PLXDC2: variants seen among roughly 807,000 people sequenced by gnomAD.
PLXDC2 encodes the protein plexin domain-containing protein 2.
A neutral mutation model predicts 68.9 loss-of-function variants in PLXDC2; 40 were observed. That is an observed-to-expected ratio of 0.58 (90% CI 0.45 to 0.76). PLXDC2 has a LOEUF of 0.76. PLXDC2 is among the 30% of genes least tolerant of loss of function. The pLI is 0.00. For missense variants in PLXDC2, 644 were observed against 661.9 expected (o/e 0.97, Z 0.30); for synonymous variants, 243 against 234.2 (o/e 1.04, Z -0.34).
chr10:19,898,785 C>T (rs1263943906), intron 1 of PLXDC2, among the ~76,000 whole-genome samples: 3 of 151,986 alleles, frequency 2.0e-5, no homozygotes, highest in South Asian at 2.1e-4. Context: ...ATTTCTTATA[C>T]GCAACAGATA....
chr10:20,203,968 C>T (rs1296272749), intron 9 of PLXDC2, among the ~76,000 whole-genome samples: 1 of 152,086 alleles, frequency 6.6e-6, no homozygotes, highest in Non-Finnish European at 1.5e-5. Flanking sequence ...CTTGCATATT[C>T]TAATGATGTA....
At chr10:19,833,694 G>A (rs993216917) in intron 1 of PLXDC2, among the ~76,000 whole-genome samples, 1 of 152,110 alleles carries the variant, frequency 6.6e-6, no homozygotes, top group East Asian at 1.9e-4. Context: ...AACCACCTTA[G>A]GAGATTACAC....
chr10:20,270,034 A>AAATAC (rs1450951795), intron 13 of PLXDC2, among the ~76,000 whole-genome samples: 8 of 145,962 alleles, frequency 5.5e-5, no homozygotes, highest in African/African-American at 1.8e-4. Flanking sequence ...AAATAAAATA[A>AAATAC]AATAAAATAA....
At chr10:20,137,421 C>T (rs774262040) in intron 4 of PLXDC2, among the ~76,000 whole-genome samples, 24 of 152,138 alleles carry the variant, frequency 1.6e-4, no homozygotes, top group Non-Finnish European at 2.9e-4. Flanking sequence ...AATGAATTAT[C>T]GCATCGTGTG....
rs947652653 is a variant in PLXDC2, at chr10:19,929,071, A to G, written c.113-72704A>G. Among the ~76,000 whole-genome samples the G allele has an allele frequency of 1.1e-4, 17 of 151,832 alleles. 1 individual carries two copies. Among genetic ancestry groups the G allele is most frequent in the African/African-American group, 3.1e-4 (13 of 41,480 alleles). ...TGCCCAGACGATAGGGCTTTTTATC[A>G]TTCTAAAAAGAACCCATTCTTGGCT... On this transcript the variant is annotated intron_variant, in intron 1 of 13. Coordinates refer to ENST00000377252, the MANE Select transcript of PLXDC2 (RefSeq NM_032812.9).
At chr10:19,879,511 C>T (rs1837691642) in intron 1 of PLXDC2, among the ~76,000 whole-genome samples, 1 of 151,998 alleles carries the variant, frequency 6.6e-6, no homozygotes, top group East Asian at 1.9e-4. Context: ...AGACACTTTG[C>T]CAAGTGCTTG....
At chr10:19,927,986 T>C (rs923593067) in intron 1 of PLXDC2, among the ~76,000 whole-genome samples, 1 of 152,136 alleles carries the variant, frequency 6.6e-6, no homozygotes, top group Non-Finnish European at 1.5e-5. Context: ...GTCCATGATA[T>C]CACTCTGTAT....
chr10:20,217,701 C>G, intron 11 of PLXDC2, 125 bp downstream of exon 11: 1 of 1,149,904 alleles, frequency 8.7e-7, no homozygotes. Context: ...TAAAGTTATT[C>G]TTTGGCAAAC....
At chr10:19,906,853 G>A (rs1030510308) in intron 1 of PLXDC2, among the ~76,000 whole-genome samples, 6 of 152,062 alleles carry the variant, frequency 3.9e-5, no homozygotes, top group African/African-American at 1.2e-4. Flanking sequence ...AATCCTAAGC[G>A]TTACTCTTCT....
At chr10:20,214,583 T>G (rs567917179) in intron 10 of PLXDC2, among the ~76,000 whole-genome samples, 1 of 152,302 alleles carries the variant, frequency 6.6e-6, no homozygotes, top group South Asian at 2.1e-4. Context: ...AGCTTTTGCT[T>G]TGTTTTATTT....
chr10:20,044,289 CTTTCTTCTT>C (rs1835757558), intron 2 of PLXDC2, among the ~76,000 whole-genome samples: 2 of 78,022 alleles, frequency 2.6e-5, no homozygotes, highest in African/African-American at 9.9e-5. Flanking sequence ...TTCTTTCTTT[CTTTCTTCTT>C]TCTCTCTCTC....
chr10:20,088,331 G>A (rs1222487919), intron 4 of PLXDC2, among the ~76,000 whole-genome samples: 2 of 152,196 alleles, frequency 1.3e-5, no homozygotes, highest in African/African-American at 4.8e-5. Context: ...ATGAGAATTT[G>A]TAGCCTTGCA....
intron 1 of PLXDC2, among the ~76,000 whole-genome samples, chr10:19,925,709 G>A (rs746269706): frequency 2.0e-5 from 3 of 152,342 alleles, no homozygotes; most frequent in Non-Finnish European, 4.4e-5. Context: ...GGGTGACAGA[G>A]AGTAGTTGAA....
At chr10:19,957,316 C>T (rs1424767042) in intron 1 of PLXDC2, among the ~76,000 whole-genome samples, 1 of 151,950 alleles carries the variant, frequency 6.6e-6, no homozygotes, top group East Asian at 1.9e-4. Context: ...ACTGTAAATG[C>T]TCATTGTAAG....
intron 1 of PLXDC2, among the ~76,000 whole-genome samples, chr10:19,849,823 TA>T (rs1339500978): frequency 6.6e-6 from 1 of 152,154 alleles, no homozygotes; most frequent in Non-Finnish European, 1.5e-5. Flanking sequence ...ATTTTGAAGT[TA>T]AAGGACTATA....
At chr10:19,967,493 A>G (rs1256525770) in intron 1 of PLXDC2, among the ~76,000 whole-genome samples, 1 of 152,202 alleles carries the variant, frequency 6.6e-6, no homozygotes, top group African/African-American at 2.4e-5. Flanking sequence ...TTCTTACTGT[A>G]ATGAAACCTA....
chr10:19,863,887 TAATGA>T (rs1837365293), intron 1 of PLXDC2, among the ~76,000 whole-genome samples: 1 of 152,180 alleles, frequency 6.6e-6, no homozygotes, highest in Admixed American at 6.5e-5. Context: ...ATACAATAAT[TAATGA>T]AATATATGTT....
chr10:20,112,506 C>T (rs936561303), intron 4 of PLXDC2, among the ~76,000 whole-genome samples: 7 of 152,160 alleles, frequency 4.6e-5, no homozygotes, highest in African/African-American at 7.2e-5. Context: ...TCCATCATCC[C>T]CTGCTTCAGT....
intron 2 of PLXDC2, among the ~76,000 whole-genome samples, chr10:20,035,371 G>A (rs756797383): frequency 1.8e-4 from 27 of 152,266 alleles, no homozygotes; most frequent in Admixed American, 3.9e-4. Context: ...GACATTAAAT[G>A]AGTAATAGTA....
Sources: allele counts gnomAD v4.1 joint callset (sites outside exome capture counted in the v4.1 genomes callset), GRCh38; gene constraint gnomAD v4.1.1; transcripts MANE v1.5; gene names NCBI Gene and HGNC (gene_info 2026-07-23, HGNC 2026-07-21).